Variants in HCN1 observed in about 807,000 individuals in gnomAD.
HCN1 encodes hyperpolarization activated cyclic nucleotide gated potassium channel 1.
Under a neutral mutation model 78.9 loss-of-function variants are expected in HCN1, and 13 were observed. The ratio of observed to expected loss-of-function variants is 0.16; its 90% CI spans 0.11 to 0.26. HCN1 has a LOEUF of 0.26. Among genes scored for constraint, HCN1 ranks in the 10% least tolerant of loss-of-function variants. The pLI, the probability that HCN1 is intolerant of heterozygous loss-of-function variation, is 1.00. For missense variants in HCN1, 810 were observed against 1,154.3 expected (o/e 0.70, Z 4.32); for synonymous variants, 552 against 455.5 (o/e 1.21, Z -2.70).
At chr5:45,601,664 T>G (rs1744628461) in intron 2 of HCN1, among the ~76,000 whole-genome samples, 1 of 152,156 alleles carries the variant, frequency 6.6e-6, no homozygotes, top group African/African-American at 2.4e-5. Flanking sequence ...GAGCTCCAGT[T>G]ATTCATGATT....
At chr5:45,493,870 G>A (rs1269329258) in intron 2 of HCN1, among the ~76,000 whole-genome samples, 1 of 151,016 alleles carries the variant, frequency 6.6e-6, no homozygotes, top group Non-Finnish European at 1.5e-5. Context: ...TTGTTCTTGC[G>A]ATAGTTTACT....
chr5:45,281,579 CTTTTTTTTTTTTTTT>C (rs751307473), intron 6 of HCN1, among the ~76,000 whole-genome samples: 3 of 81,664 alleles, frequency 3.7e-5, no homozygotes, highest in Middle Eastern at 8.1e-3. Flanking sequence ...CTCTTCTCTT[CTTTTTTTTTTTTTTT>C]TTTTTTTTTT....
intron 6 of HCN1, among the ~76,000 whole-genome samples, chr5:45,284,326 A>G (rs1745227904): frequency 1.3e-5 from 2 of 152,164 alleles, no homozygotes; most frequent in Non-Finnish European, 2.9e-5. Flanking sequence ...AATGGAGAAG[A>G]TTTTAATCTG....
chr5:45,486,418 A>C (rs1741763861), intron 2 of HCN1, among the ~76,000 whole-genome samples: 1 of 152,136 alleles, frequency 6.6e-6, no homozygotes, highest in Non-Finnish European at 1.5e-5. Context: ...TTTTTTACCC[A>C]ACATGACATG....
intron 2 of HCN1, among the ~76,000 whole-genome samples, chr5:45,475,039 G>C (rs1410549018): frequency 6.6e-6 from 1 of 151,880 alleles, no homozygotes; most frequent in Non-Finnish European, 1.5e-5. Context: ...ATTTTGGTGA[G>C]ATATTTATTT....
In HCN1 at chr5:45,375,187, T is replaced by TATATATAATATAATATTTTATA. The variant is rs1350953601; in HGVS notation, c.1230+21283_1230+21304dup. Among the ~76,000 whole-genome samples, 36 of 119,070 alleles carry TATATATAATATAATATTTTATA rather than the reference T, an allele frequency of 3.0e-4. 1 individual carries two copies. The East Asian group carries it at 3.2e-3, about 11-fold the overall frequency. 78.1% of individuals were successfully genotyped at this position (119,070 alleles called of 152,430 possible). The stretch of plus-strand genomic sequence containing the variant: ...ATATATTTTATAATATATAATGTAT[T>TATATATAATATAATATTTTATA]ATATATAATATAATATTTTATAATA... On this transcript the variant is annotated intron_variant, in intron 4 of 7. Transcript: ENST00000303230.
chr5:45,586,173 C>G (rs1744215948), intron 2 of HCN1, among the ~76,000 whole-genome samples: 1 of 152,158 alleles, frequency 6.6e-6, no homozygotes, highest in African/African-American at 2.4e-5. Context: ...TGGGCTCCAC[C>G]CAGTTCGAGC....
chr5:45,318,985 T>C (rs1261787450), intron 5 of HCN1, among the ~76,000 whole-genome samples: 1 of 151,970 alleles, frequency 6.6e-6, no homozygotes, highest in Non-Finnish European at 1.5e-5. Flanking sequence ...TTACTCACCA[T>C]TCTGTTAATG....
intron 5 of HCN1, among the ~76,000 whole-genome samples, chr5:45,310,051 C>T (rs759951439): frequency 2.0e-5 from 3 of 151,502 alleles, no homozygotes; most frequent in Non-Finnish European, 3.0e-5. Flanking sequence ...AATGTAAAAC[C>T]TAAAACTATA....
intron 2 of HCN1, among the ~76,000 whole-genome samples, chr5:45,505,183 A>G (rs1211463726): frequency 6.6e-6 from 1 of 152,084 alleles, no homozygotes; most frequent in East Asian, 1.9e-4. Flanking sequence ...GCCCATGCCT[A>G]TGTCCTGAAT....
At chr5:45,444,289 A>G (rs1740740055) in intron 3 of HCN1, among the ~76,000 whole-genome samples, 1 of 152,196 alleles carries the variant, frequency 6.6e-6, no homozygotes, top group Non-Finnish European at 1.5e-5. Context: ...ATGAATTTAA[A>G]TTAGTTTTGA....
intron 2 of HCN1, among the ~76,000 whole-genome samples, chr5:45,605,124 T>C: frequency 6.6e-6 from 1 of 151,964 alleles, no homozygotes; most frequent in East Asian, 1.9e-4. Flanking sequence ...AAACAGGCAA[T>C]AAAAGCAAGC....
At chr5:45,360,057 T>G (rs1747079779) in intron 4 of HCN1, among the ~76,000 whole-genome samples, 1 of 150,998 alleles carries the variant, frequency 6.6e-6, no homozygotes, top group South Asian at 2.1e-4. Flanking sequence ...TGATACTGCA[T>G]GTATGTTATG....
chr5:45,448,975 G>T (rs1740853500), intron 3 of HCN1, among the ~76,000 whole-genome samples: 1 of 152,112 alleles, frequency 6.6e-6, no homozygotes, highest in African/African-American at 2.4e-5. Flanking sequence ...TTAGCCAGCT[G>T]TGGTGGCCCG....
At chr5:45,455,390 A>G (rs1302851922) in intron 3 of HCN1, among the ~76,000 whole-genome samples, 1 of 152,060 alleles carries the variant, frequency 6.6e-6, no homozygotes, top group African/African-American at 2.4e-5. Flanking sequence ...CAAGTTTTAT[A>G]TAGTTTTTAG....
At chr5:45,666,830 A>G (rs944140771) in intron 1 of HCN1, among the ~76,000 whole-genome samples, 1 of 152,048 alleles carries the variant, frequency 6.6e-6, no homozygotes, top group Admixed American at 6.6e-5. Context: ...GAATCAGTCT[A>G]TATGTGTCTG....
In HCN1 at chr5:45,696,118, G is replaced by A; in HGVS notation, c.-25C>T. 7.6e-7 allele frequency: 1 copy of A among 1,313,326 alleles called. No homozygotes were observed. Among genetic ancestry groups the A allele is most frequent in the Non-Finnish European group, 9.8e-7 (1 of 1,018,520 alleles). 81.4% of individuals were successfully genotyped at this position (1,313,326 alleles called of 1,614,324 possible). A position where few individuals can be genotyped will look rare whatever the true frequency, so the allele number is the denominator to read the frequency against. On this transcript the variant is annotated 5_prime_UTR_variant, in exon 1 of 8. Transcript: ENST00000303230. ...TGCCCGGAGGACGCGGCCGGCGACG[G>A]CGCGGGCTCCAGACTCGCCGGCCGC...
At chr5:45,287,441 A>T (rs1195845347) in intron 6 of HCN1, among the ~76,000 whole-genome samples, 1 of 152,094 alleles carries the variant, frequency 6.6e-6, no homozygotes, top group Non-Finnish European at 1.5e-5. Context: ...ACCAAAAATG[A>T]TAAAGATTAT....
At chr5:45,291,437 C>T (rs191946578) in intron 6 of HCN1, among the ~76,000 whole-genome samples, 58 of 152,202 alleles carry the variant, frequency 3.8e-4, no homozygotes, top group Middle Eastern at 6.8e-3. Flanking sequence ...TCCTTTTGCT[C>T]TTGGAACTGA....
Sources: allele counts gnomAD v4.1 joint callset (sites outside exome capture counted in the v4.1 genomes callset), GRCh38; gene constraint gnomAD v4.1.1; transcripts MANE v1.5; gene names NCBI Gene and HGNC (gene_info 2026-07-23, HGNC 2026-07-21).